Variants in SLC15A2 observed in about 807,000 individuals in gnomAD.
SLC15A2 encodes the protein kidney H(+)/peptide cotransporter.
A neutral mutation model predicts 95.5 loss-of-function variants in SLC15A2; 77 were observed. The ratio of observed to expected loss-of-function variants is 0.81; its 90% CI spans 0.67 to 0.97. SLC15A2 has a LOEUF of 0.97. Ranked by LOEUF, SLC15A2 falls within the 50% of genes least tolerant of loss-of-function variation. SLC15A2 has a pLI of 0.00. For synonymous variants in SLC15A2, 306 were observed against 306.9 expected (o/e 1.00, Z 0.03); for missense variants, 893 against 874.4 (o/e 1.02, Z -0.27).
chr3:121,929,313 A>G lies in SLC15A2; in HGVS notation c.1518A>G (p.Thr506=). The change falls in exon 17 of 22, where the codon ACA becomes ACG. Residue 506 remains threonine (T), a synonymous_variant. Transcript: ENST00000489711. ...TTCCTCTGTTGTAGGTAAAGGATAC[A>G]GAAAGCAGAACAACCAATGGGATGA... ...NSISSMMVKD[T]ESRTTNGMTT... 6.2e-7 allele frequency: 1 copy of G among 1,614,034 alleles called. No homozygotes were observed. The highest frequency in any genetic ancestry group is 8.5e-7 in the Non-Finnish European group (1 of 1,179,890).
rs1247254814 is a variant in SLC15A2, at chr3:121,922,834, G to T, written c.840G>T (p.Trp280Cys). 5 of 1,613,830 alleles carry T rather than the reference G, an allele frequency of 3.1e-6. No individual in the cohort carries two copies. The highest frequency in any genetic ancestry group is 4.2e-6 in the Non-Finnish European group (5 of 1,179,894). ...GAGACATTCCAAAGCGACAGCACTG[G>T]CTAGACTGGGCGGCTGAGAAATATC... is the stretch of plus-strand genomic sequence containing the variant. The part of the protein sequence containing the change: ...RSGDIPKRQH[W>C]LDWAAEKYPK... The change falls in exon 9 of 22, where the codon TGG (tryptophan) becomes TGT (cysteine). Residue 280 changes from tryptophan (W) to cysteine (C), a missense_variant. Transcript: ENST00000489711.
At chr3:121,928,696 TC>T in intron 15 of SLC15A2, 141 bp downstream of exon 15, 7 of 954,946 alleles carry the variant, frequency 7.3e-6, no homozygotes, top group Non-Finnish European at 1.1e-5. Flanking sequence ...CATATAATAT[TC>T]CATTCTATAG....
At chr3:121,911,800 C>T in intron 4 of SLC15A2, 134 bp downstream of exon 4, 1 of 660,088 alleles carries the variant, frequency 1.5e-6, no homozygotes, top group Non-Finnish European at 2.7e-6. Context: ...GAAAAACAGT[C>T]TTATGACCAG....
chr3:121,898,016 G>T (rs1443311687), intron 3 of SLC15A2, among the ~76,000 whole-genome samples: 1 of 152,032 alleles, frequency 6.6e-6, no homozygotes, highest in Admixed American at 6.6e-5. Context: ...ACAAAAATTG[G>T]CCAGGCATGG....
chr3:121,942,639 T>G lies in SLC15A2; in HGVS notation c.*1632T>G, dbSNP rs1710483673. On this transcript the variant is annotated 3_prime_UTR_variant, in exon 22 of 22. Coordinates refer to ENST00000489711, the MANE Select transcript of SLC15A2 (RefSeq NM_021082.4). ...TGATGTGAACCTGACCCTACTCCTT[T>G]AGAAGACAGCCTGTTCATTTTTAAA... 1 of 152,198 alleles carries G rather than the reference T, an allele frequency of 6.6e-6. No individual in the cohort carries two copies. The highest frequency in any genetic ancestry group is 1.5e-5 in the Non-Finnish European group (1 of 68,030). 9.4% of individuals were successfully genotyped at this position (152,198 alleles called of 1,614,324 possible).
chr3:121,929,244 TC>T, intron 16 of SLC15A2, 57 bp from the exon 17 acceptor site: 1 of 1,605,518 alleles, frequency 6.2e-7, no homozygotes, highest in Non-Finnish European at 8.5e-7. Flanking sequence ...GATCAAATTT[TC>T]TGAGTATAGG....
At chr3:121,940,607 TG>T in intron 21 of SLC15A2, 119 bp downstream of exon 21, 1 of 913,820 alleles carries the variant, frequency 1.1e-6, no homozygotes, top group Non-Finnish European at 1.7e-6. Flanking sequence ...TGACATGAAA[TG>T]GGTTAGATAT....
intron 3 of SLC15A2, among the ~76,000 whole-genome samples, chr3:121,900,354 T>G (rs1447841831): frequency 6.6e-6 from 1 of 152,224 alleles, no homozygotes; most frequent in Admixed American, 6.5e-5. Flanking sequence ...TTGGTCTTCA[T>G]TGTCTCAATG....
chr3:121,897,367 TC>T lies in SLC15A2; in HGVS notation c.194-19del. On this transcript the variant is annotated intron_variant, in intron 2 of 21. Transcript: ENST00000489711. ...CTATCTTGTTTTGTCTCCCCACGCC[TC>T]CTTTTTTTTCCCACTACAGCTGTGC... 1 of 1,611,678 alleles carries T rather than the reference TC, an allele frequency of 6.2e-7. No homozygotes were observed. The highest frequency in any genetic ancestry group is 8.5e-7 in the Non-Finnish European group (1 of 1,179,288).
chr3:121,895,300 G>A (rs985093766), intron 1 of SLC15A2: 2 of 152,322 alleles, frequency 1.3e-5, no homozygotes, highest in Middle Eastern at 3.4e-3. Context: ...GCCAGTGGCA[G>A]TGTTGCCTAA....
chr3:121,930,564 A>T (rs1380940891), intron 17 of SLC15A2, among the ~76,000 whole-genome samples: 1 of 152,246 alleles, frequency 6.6e-6, no homozygotes, highest in Non-Finnish European at 1.5e-5. Flanking sequence ...ATGAATGATC[A>T]TGATAGTGTC....
At chr3:121,921,876 G>A (rs1379737026) in intron 7 of SLC15A2, among the ~76,000 whole-genome samples, 1 of 152,208 alleles carries the variant, frequency 6.6e-6, no homozygotes. Flanking sequence ...TGGAGATGGA[G>A]AAAGAAGAGT....
In SLC15A2 at chr3:121,929,162, G is replaced by T; in HGVS notation, c.1506+16G>T. Reference sequence around the variant, plus strand: ...CAGCATGATGGTAATTTGAGGAATTGCCTGTGTTTTCAGTTGTCATCTCAA... The same window carrying T: ...CAGCATGATGGTAATTTGAGGAATTTCCTGTGTTTTCAGTTGTCATCTCAA... On this transcript the variant is annotated intron_variant, in intron 16 of 21. Coordinates refer to ENST00000489711, the MANE Select transcript of SLC15A2 (RefSeq NM_021082.4). The T allele has an allele frequency of 6.2e-7, 1 of 1,608,026 alleles. No homozygotes were observed. The highest frequency in any genetic ancestry group is 8.5e-7 in the Non-Finnish European group (1 of 1,175,854).
chr3:121,925,623 A>G (rs1311039111), intron 13 of SLC15A2, among the ~76,000 whole-genome samples: 1 of 149,292 alleles, frequency 6.7e-6, no homozygotes, highest in Admixed American at 6.7e-5. Flanking sequence ...TTCATTGAGC[A>G]AATGTTGGGA....
intron 13 of SLC15A2, among the ~76,000 whole-genome samples, chr3:121,927,259 G>A (rs1229593146): frequency 6.6e-6 from 1 of 152,166 alleles, no homozygotes; most frequent in Non-Finnish European, 1.5e-5. Context: ...GGAATGATAT[G>A]GTTTGAATAT....
chr3:121,904,822 T>G (rs1222814036), intron 3 of SLC15A2, among the ~76,000 whole-genome samples: 1 of 152,172 alleles, frequency 6.6e-6, no homozygotes, highest in African/African-American at 2.4e-5. Flanking sequence ...CTTTCTTTGT[T>G]GTCTCTGCCA....
At chr3:121,899,343 T>C (rs1008116241) in intron 3 of SLC15A2, among the ~76,000 whole-genome samples, 2 of 152,160 alleles carry the variant, frequency 1.3e-5, no homozygotes, top group Non-Finnish European at 2.9e-5. Flanking sequence ...TTTATGTATG[T>C]ATCACCATCA....
Position 121,894,579 on chromosome 3 carries a change from C to T in SLC15A2, c.103C>T (p.Pro35Ser), listed in dbSNP as rs1305295364. 2 of 1,611,726 alleles carry T rather than the reference C, an allele frequency of 1.2e-6. No homozygotes were observed. The highest frequency in any genetic ancestry group is 1.3e-5 in the African/African-American group (1 of 74,994). ...ACCTAGCCCTCCAAAGAAGCCATCT[C>T]CGGTGAGTCCTTAGATTCAATCCTG... ...RPPSPPKKPS[P>S]TICGSNYPLS... The change falls in exon 1 of 22, where the codon CCG (proline) becomes TCG (serine). Residue 35 changes from proline to serine, a missense_variant and splice_region_variant. Coordinates refer to ENST00000489711, the MANE Select transcript of SLC15A2 (RefSeq NM_021082.4).
intron 1 of SLC15A2, among the ~76,000 whole-genome samples, chr3:121,895,584 G>A (rs1709400585): frequency 6.6e-6 from 1 of 152,256 alleles, no homozygotes; most frequent in African/African-American, 2.4e-5. Flanking sequence ...CTCATGAAAT[G>A]AGGCAATATA....
Sources: gnomAD v4.1 joint callset for allele counts (sites outside exome capture counted in the v4.1 genomes callset) on GRCh38, gnomAD v4.1.1 for gene constraint, MANE v1.5 for transcripts, NCBI Gene and HGNC (gene_info 2026-07-23, HGNC 2026-07-21) for gene names.